Variants in TCERG1L observed in about 807,000 individuals in gnomAD.
TCERG1L encodes the protein transcription elongation regulator 1-like protein.
In TCERG1L, 37 loss-of-function variants were observed where a neutral mutation model predicts 56.3. That is an observed-to-expected ratio of 0.66 (90% CI 0.51 to 0.87). TCERG1L has a LOEUF of 0.87. TCERG1L is among the 40% of genes least tolerant of loss of function. TCERG1L has a pLI of 0.00. For missense variants in TCERG1L, 799 were observed against 774.2 expected, an observed-to-expected ratio of 1.03 and a Z score of -0.38; for synonymous variants, 324 against 326.3, an observed-to-expected ratio of 0.99 and a Z score of 0.08.
intron 3 of TCERG1L, among the ~76,000 whole-genome samples, chr10:131,286,359 T>G (rs1564834172): frequency 6.6e-6 from 1 of 152,192 alleles, no homozygotes; most frequent in African/African-American, 2.4e-5. Context: ...GCATAATAAT[T>G]TATAATATCA....
chr10:131,195,387 T>A (rs1230883581), intron 4 of TCERG1L, among the ~76,000 whole-genome samples: 5 of 152,150 alleles, frequency 3.3e-5, no homozygotes, highest in Admixed American at 3.3e-4. Context: ...CTCGGGGCCC[T>A]GCAAAACCAG....
chr10:131,155,864 ACTC>A (rs1055759784), intron 6 of TCERG1L, among the ~76,000 whole-genome samples: 1 of 151,722 alleles, frequency 6.6e-6, no homozygotes, highest in Non-Finnish European at 1.5e-5. Context: ...TTCCCCGCCA[ACTC>A]CTCCTCCCTC....
At chr10:131,276,547 C>T (rs1846395108) in intron 3 of TCERG1L, among the ~76,000 whole-genome samples, 1 of 152,220 alleles carries the variant, frequency 6.6e-6, no homozygotes, top group South Asian at 2.1e-4. Flanking sequence ...TAACAGAGCA[C>T]AGGAAATTAT....
intron 7 of TCERG1L, among the ~76,000 whole-genome samples, chr10:131,141,402 C>A (rs1246096061): frequency 6.6e-6 from 1 of 151,956 alleles, no homozygotes; most frequent in Non-Finnish European, 1.5e-5. Flanking sequence ...CAGGGAGAAG[C>A]CCCTGGCTGC....
At chr10:131,096,590 C>T (rs570441096) in intron 11 of TCERG1L, among the ~76,000 whole-genome samples, 4 of 152,304 alleles carry the variant, frequency 2.6e-5, no homozygotes, top group Middle Eastern at 3.4e-3. Context: ...TAGAAAGCAT[C>T]AATTAATGTC....
chr10:131,309,263 G>GT lies in TCERG1L; in HGVS notation c.378_379insA (p.Pro127ThrfsTer35), dbSNP rs772118552. On this transcript the variant is annotated frameshift_variant, in exon 2 of 12. Coordinates refer to ENST00000368642, the MANE Select transcript of TCERG1L (RefSeq NM_174937.4). LOFTEE classifies it high-confidence loss of function. Reference sequence around the variant, plus strand: ...ACCAGCTCCACTGTGGAAGAGGGGGGCAGTCCTAGGGACGGAGAATGGCCA... The same window carrying GT: ...ACCAGCTCCACTGTGGAAGAGGGGGGTCAGTCCTAGGGACGGAGAATGGCCA... The GT allele has an allele frequency of 1.4e-5, 22 of 1,603,348 alleles. No homozygotes were observed. The highest frequency in any genetic ancestry group is 7.0e-5 in the Admixed American group (4 of 57,372).
At chr10:131,116,978 C>A in intron 8 of TCERG1L, 44 bp from the exon 9 acceptor site, 1 of 1,573,750 alleles carries the variant, frequency 6.4e-7, no homozygotes. Context: ...TCGTGGGGAC[C>A]CAGCTGGTTT....
At chr10:131,105,043 G>A (rs1845339007) in intron 9 of TCERG1L, among the ~76,000 whole-genome samples, 1 of 152,130 alleles carries the variant, frequency 6.6e-6, no homozygotes, top group African/African-American at 2.4e-5. Context: ...TATCTCCTTG[G>A]ACTCCTCTTG....
chr10:131,128,709 A>C (rs1845588663), intron 8 of TCERG1L, among the ~76,000 whole-genome samples: 1 of 152,260 alleles, frequency 6.6e-6, no homozygotes, highest in Admixed American at 6.5e-5. Context: ...TTATAAAAGT[A>C]GGCAAGCTAG....
At chr10:131,266,764 G>A (rs889520830) in intron 3 of TCERG1L, among the ~76,000 whole-genome samples, 3 of 152,130 alleles carry the variant, frequency 2.0e-5, no homozygotes, top group African/African-American at 4.8e-5. Context: ...CAGCAGAGAG[G>A]AGGCCTTGGA....
intron 4 of TCERG1L, among the ~76,000 whole-genome samples, chr10:131,180,162 C>G (rs538022477): frequency 1.2e-3 from 181 of 152,182 alleles, no homozygotes; most frequent in African/African-American, 4.0e-3. Flanking sequence ...GAAGTGAGAC[C>G]CCAAGGATGG....
chr10:131,280,062 G>A (rs905686456), intron 3 of TCERG1L, among the ~76,000 whole-genome samples: 3 of 152,196 alleles, frequency 2.0e-5, no homozygotes, highest in African/African-American at 2.4e-5. Context: ...GCATGGCTGC[G>A]ACACAGCCTC....
intron 4 of TCERG1L, among the ~76,000 whole-genome samples, chr10:131,181,899 C>T (rs1230425555): frequency 1.3e-5 from 2 of 152,262 alleles, no homozygotes; most frequent in Non-Finnish European, 2.9e-5. Flanking sequence ...AACAACCATT[C>T]ATCCCTCCCA....
chr10:131,271,662 C>T (rs966148898), intron 3 of TCERG1L, among the ~76,000 whole-genome samples: 13 of 152,230 alleles, frequency 8.5e-5, no homozygotes, highest in African/African-American at 3.1e-4. Context: ...CCTTCTGCAT[C>T]TTCACCAGAG....
At chr10:131,168,332 G>A (rs1480492634) in intron 4 of TCERG1L, among the ~76,000 whole-genome samples, 1 of 152,186 alleles carries the variant, frequency 6.6e-6, no homozygotes, top group African/African-American at 2.4e-5. Context: ...CCCCTCTGCA[G>A]CTCCGGGAAG....
chr10:131,226,892 CAGAAGCAGAAAG>C (rs140105919), intron 4 of TCERG1L, among the ~76,000 whole-genome samples: 1,589 of 152,320 alleles, frequency 0.01, 32 homozygotes, highest in African/African-American at 0.036. Context: ...CCAAAAAACA[CAGAAGCAGAAAG>C]AGAAGCAGAA....
chr10:131,309,059 C>T (rs1846847644), intron 2 of TCERG1L, 94 bp downstream of exon 2: 1 of 1,440,454 alleles, frequency 6.9e-7, no homozygotes, highest in Admixed American at 2.6e-5. Context: ...TTTATGGCAA[C>T]AAGAAAATAC....
intron 4 of TCERG1L, among the ~76,000 whole-genome samples, chr10:131,231,877 G>A (rs1443976402): frequency 1.3e-5 from 2 of 152,294 alleles, no homozygotes; most frequent in Non-Finnish European, 2.9e-5. Context: ...AGAGGGGAGA[G>A]CAGCTCCAGC....
chr10:131,207,811 G>A (rs748263), intron 4 of TCERG1L, among the ~76,000 whole-genome samples: 4,453 of 152,198 alleles, frequency 0.029, 100 homozygotes, highest in Non-Finnish European at 0.042. Flanking sequence ...AATACCGAGC[G>A]GGTGGTCCCT....
Sources: allele counts gnomAD v4.1 joint callset (sites outside exome capture counted in the v4.1 genomes callset), GRCh38; gene constraint gnomAD v4.1.1; transcripts MANE v1.5; gene names NCBI Gene and HGNC (gene_info 2026-07-23, HGNC 2026-07-21).